PTPRR: variants seen among roughly 807,000 people sequenced by gnomAD.
The protein encoded by PTPRR is receptor-type tyrosine-protein phosphatase R.
In PTPRR, 38 loss-of-function variants were observed where a neutral mutation model predicts 77.2. The observed-to-expected ratio is 0.49, with a 90% CI of 0.38 to 0.65. The LOEUF (loss-of-function observed/expected upper bound fraction) is 0.65, where lower values mean the gene tolerates loss of function less well. Ranked by LOEUF, PTPRR falls within the 30% of genes least tolerant of loss-of-function variation. PTPRR has a pLI of 0.00. For synonymous variants in PTPRR, 299 were observed against 283.1 expected, an observed-to-expected ratio of 1.06 and a Z score of -0.57; for missense variants, 744 against 799.2, an observed-to-expected ratio of 0.93 and a Z score of 0.83.
chr12:70,723,633 T>G (rs951645605), intron 6 of PTPRR, among the ~76,000 whole-genome samples: 3 of 152,154 alleles, frequency 2.0e-5, no homozygotes, highest in African/African-American at 7.2e-5. Context: ...AAATATAGGT[T>G]GCAAATAAAA....
intron 4 of PTPRR, among the ~76,000 whole-genome samples, chr12:70,758,352 G>A (rs1234189615): frequency 6.6e-6 from 1 of 152,064 alleles, no homozygotes; most frequent in Non-Finnish European, 1.5e-5. Flanking sequence ...AGGATGCCCA[G>A]GTACTTGCTT....
At position 70,766,020 on chromosome 12, in the gene PTPRR, C is replaced by G. The variant is rs185366440; in HGVS notation, c.358-1242G>C. On this transcript the variant is annotated intron_variant, in intron 2 of 13. Transcript: ENST00000283228. Reference sequence around the variant, plus strand: ...ACACCAAAAACCCATGTGCACATCACCATCATCAAAGACCAAAAGTAGATA... The same window carrying G: ...ACACCAAAAACCCATGTGCACATCAGCATCATCAAAGACCAAAAGTAGATA... Among the ~76,000 whole-genome samples the G allele has an allele frequency of 2.0e-5, 3 of 152,268 alleles. No individual in the cohort carries two copies. The East Asian group carries it at 5.8e-4, about 29-fold the overall frequency.
intron 2 of PTPRR, among the ~76,000 whole-genome samples, chr12:70,853,477 T>G (rs547083125): frequency 1.3e-5 from 2 of 152,356 alleles, no homozygotes; most frequent in South Asian, 4.1e-4. Flanking sequence ...GGACATTGCT[T>G]AATGGTTATT....
intron 6 of PTPRR, among the ~76,000 whole-genome samples, chr12:70,716,336 T>TAAAAAA (rs66838692): frequency 7.1e-6 from 1 of 141,524 alleles, no homozygotes; most frequent in Non-Finnish European, 1.5e-5. Flanking sequence ...GTCTTCTAAG[T>TAAAAAA]AAAAAAAAAA....
intron 6 of PTPRR, among the ~76,000 whole-genome samples, chr12:70,745,276 C>T (rs774483567): frequency 3.3e-5 from 5 of 152,196 alleles, no homozygotes; most frequent in Non-Finnish European, 5.9e-5. Flanking sequence ...GATCCACCCA[C>T]CTCAGCCTCC....
intron 2 of PTPRR, among the ~76,000 whole-genome samples, chr12:70,807,768 T>A (rs1458584205): frequency 6.6e-6 from 1 of 152,238 alleles, no homozygotes; most frequent in East Asian, 1.9e-4. Flanking sequence ...TGATTTCCTA[T>A]GCCTGTCTTT....
At position 70,865,794 on chromosome 12, in the gene PTPRR, G is replaced by A. The variant is rs187396681; in HGVS notation, c.357+26885C>T. Among the ~76,000 whole-genome samples, 146 of 152,244 alleles carry A rather than the reference G, an allele frequency of 9.6e-4. 1 individual carries two copies. Among genetic ancestry groups the A allele is most frequent in the African/African-American group, 3.2e-3 (134 of 41,552 alleles). On this transcript the variant is annotated intron_variant, in intron 2 of 13. Coordinates refer to ENST00000283228, the MANE Select transcript of PTPRR (RefSeq NM_002849.4). ...CAGGGTCCAAGCAGTTCAAACAAATGAGTAGAACATACCAGATATAATATG... is the reference window on the plus strand; with the variant it reads ...CAGGGTCCAAGCAGTTCAAACAAATAAGTAGAACATACCAGATATAATATG...
chr12:70,886,024 A>G (rs1394458513), intron 2 of PTPRR, among the ~76,000 whole-genome samples: 1 of 152,160 alleles, frequency 6.6e-6, no homozygotes, highest in Non-Finnish European at 1.5e-5. Context: ...GAGTCATCCT[A>G]ATAGTGAATG....
chr12:70,836,209 C>G (rs1892299936), intron 2 of PTPRR, among the ~76,000 whole-genome samples: 1 of 152,076 alleles, frequency 6.6e-6, no homozygotes, highest in Non-Finnish European at 1.5e-5. Context: ...CCTTGAATGG[C>G]ATGTATGAGT....
At position 70,674,721 on chromosome 12, in the gene PTPRR, T is replaced by C. The variant is rs1592660555; in HGVS notation, c.1497+9406A>G. Among the ~76,000 whole-genome samples, 3 of 152,202 alleles carry C rather than the reference T, an allele frequency of 2.0e-5. No homozygotes were observed. The South Asian group carries it at 6.2e-4, about 31-fold the overall frequency. On this transcript the variant is annotated intron_variant, in intron 10 of 13. Coordinates refer to ENST00000283228, the MANE Select transcript of PTPRR (RefSeq NM_002849.4). ...TATGAGATTATTGATTGGAAGGTTC[T>C]ATATATCTTTCTTAAACTAAGCTTG...
At chr12:70,885,855 C>T (rs1893232246) in intron 2 of PTPRR, among the ~76,000 whole-genome samples, 1 of 152,070 alleles carries the variant, frequency 6.6e-6, no homozygotes, top group South Asian at 2.1e-4. Flanking sequence ...TTTATTTCCG[C>T]TTTTCCTTAT....
At chr12:70,885,534 ATTT>A (rs34620002) in intron 2 of PTPRR, among the ~76,000 whole-genome samples, 18 of 137,052 alleles carry the variant, frequency 1.3e-4, no homozygotes, top group African/African-American at 3.3e-4. Flanking sequence ...ACAGTTAAGG[ATTT>A]TTTTTTTTTT....
At chr12:70,842,830 G>A (rs10784870) in intron 2 of PTPRR, among the ~76,000 whole-genome samples, 71,121 of 151,846 alleles carry the variant, frequency 0.47, 17,288 homozygotes, top group East Asian at 0.6. Flanking sequence ...ATCTTTTGGG[G>A]CACCATTTTT....
At chr12:70,703,034 T>C (rs1050047705) in intron 6 of PTPRR, among the ~76,000 whole-genome samples, 8 of 151,836 alleles carry the variant, frequency 5.3e-5, no homozygotes, top group African/African-American at 1.9e-4. Context: ...ATTCTTTCCT[T>C]CCTTTTTTTT....
intron 6 of PTPRR, among the ~76,000 whole-genome samples, chr12:70,736,301 G>T (rs550346568): frequency 5.2e-4 from 79 of 152,256 alleles, no homozygotes; most frequent in African/African-American, 1.8e-3. Flanking sequence ...AAAATATTCT[G>T]AAAGCCAAGC....
At chr12:70,901,696 G>A (rs1592824589) in intron 1 of PTPRR, among the ~76,000 whole-genome samples, 4 of 151,698 alleles carry the variant, frequency 2.6e-5, no homozygotes, top group African/African-American at 7.2e-5. Context: ...TGTCTTAGGC[G>A]AGGATTTCAT....
At chr12:70,786,672 CT>C (rs1397091774) in intron 2 of PTPRR, among the ~76,000 whole-genome samples, 1 of 152,160 alleles carries the variant, frequency 6.6e-6, no homozygotes, top group Non-Finnish European at 1.5e-5. Context: ...TATACATTTC[CT>C]TTCATTTTTA....
chr12:70,645,736 C>T (rs1339547858), intron 13 of PTPRR, among the ~76,000 whole-genome samples: 2 of 152,126 alleles, frequency 1.3e-5, no homozygotes, highest in East Asian at 3.9e-4. Context: ...TCACATTAGC[C>T]CTGCCAAATA....
intron 10 of PTPRR, among the ~76,000 whole-genome samples, chr12:70,676,774 A>G (rs56172769): frequency 0.075 from 11,101 of 148,768 alleles, 493 homozygotes; most frequent in African/African-American, 0.12. Flanking sequence ...TGGTCTATGT[A>G]TTTGTTTTTT....
Sources: allele counts gnomAD v4.1 joint callset (sites outside exome capture counted in the v4.1 genomes callset), GRCh38; gene constraint gnomAD v4.1.1; transcripts MANE v1.5; gene names NCBI Gene and HGNC (gene_info 2026-07-23, HGNC 2026-07-21).